Variants in PPP4R4 observed in about 807,000 individuals in gnomAD.
PPP4R4 encodes serine/threonine-protein phosphatase 4 regulatory subunit 4.
PPP4R4 carries 70 observed loss-of-function variants against 121.8 expected under a neutral mutation model. The ratio of observed to expected loss-of-function variants is 0.57; its 90% CI spans 0.47 to 0.70. PPP4R4 has a LOEUF of 0.70. PPP4R4 is among the 30% of genes least tolerant of loss of function. The pLI, the probability that PPP4R4 is intolerant of heterozygous loss-of-function variation, is 0.00. For synonymous variants in PPP4R4, 348 were observed against 355.7 expected (o/e 0.98, Z 0.24); for missense variants, 875 against 1,033.6 (o/e 0.85, Z 2.10).
intron 10 of PPP4R4, 54 bp from the exon 11 acceptor site, chr14:94,242,235 T>A: frequency 6.4e-7 from 1 of 1,562,674 alleles, no homozygotes; most frequent in Non-Finnish European, 8.8e-7. Flanking sequence ...TATTAGGTAT[T>A]GATGCATGTT....
At chr14:94,203,569 A>G (rs2139437136) in intron 2 of PPP4R4, among the ~76,000 whole-genome samples, 1 of 152,270 alleles carries the variant, frequency 6.6e-6, no homozygotes, top group East Asian at 1.9e-4. Flanking sequence ...CTTTGGGATA[A>G]ATGCCCCAGA....
intron 14 of PPP4R4, among the ~76,000 whole-genome samples, chr14:94,248,154 C>T (rs1015287927): frequency 2.0e-5 from 3 of 152,110 alleles, no homozygotes; most frequent in Admixed American, 2.0e-4. Flanking sequence ...GATTCTATAC[C>T]TAGAAAACCC....
intron 2 of PPP4R4, among the ~76,000 whole-genome samples, chr14:94,206,559 T>C (rs879697592): frequency 6.6e-6 from 1 of 152,164 alleles, no homozygotes; most frequent in East Asian, 1.9e-4. Context: ...GTGAAAAGTT[T>C]TGTTTTCACC....
intron 2 of PPP4R4, among the ~76,000 whole-genome samples, chr14:94,204,564 T>C (rs1228444387): frequency 6.6e-6 from 1 of 152,182 alleles, no homozygotes; most frequent in Non-Finnish European, 1.5e-5. Flanking sequence ...TCAGCTATGC[T>C]CATTCCTTTG....
At chr14:94,265,577 C>T (rs2139644780) in intron 21 of PPP4R4, 104 bp downstream of exon 21, 1 of 1,042,670 alleles carries the variant, frequency 9.6e-7, no homozygotes, top group East Asian at 2.5e-5. Context: ...GATAATATAT[C>T]TCATTCTAAA....
intron 2 of PPP4R4, among the ~76,000 whole-genome samples, chr14:94,186,816 T>C (rs1000899335): frequency 6.6e-6 from 1 of 152,230 alleles, no homozygotes; most frequent in Non-Finnish European, 1.5e-5. Context: ...TATTTCATTG[T>C]GTTTATGATT....
chr14:94,256,011 C>G (rs1373075959), intron 16 of PPP4R4, among the ~76,000 whole-genome samples: 1 of 152,188 alleles, frequency 6.6e-6, no homozygotes, highest in Non-Finnish European at 1.5e-5. Context: ...ATGCTCTTTT[C>G]CAGATATTCA....
At chr14:94,246,993 G>C (rs1029769282) in intron 14 of PPP4R4, among the ~76,000 whole-genome samples, 1 of 152,078 alleles carries the variant, frequency 6.6e-6, no homozygotes, top group African/African-American at 2.4e-5. Context: ...CTATAAGTTT[G>C]GTTACTTTTA....
At chr14:94,215,793 GAAT>G (rs1433325478) in intron 3 of PPP4R4, among the ~76,000 whole-genome samples, 2 of 152,122 alleles carry the variant, frequency 1.3e-5, no homozygotes, top group Non-Finnish European at 2.9e-5. Flanking sequence ...TGCATTTTGA[GAAT>G]AATGTCTTTT....
At chr14:94,276,273 A>G (rs181663673) in intron 24 of PPP4R4, among the ~76,000 whole-genome samples, 1 of 152,268 alleles carries the variant, frequency 6.6e-6, no homozygotes, top group Non-Finnish European at 1.5e-5. Flanking sequence ...TAGTGAATGC[A>G]TGGGCATTTT....
At chr14:94,187,189 G>C (rs1413154485) in intron 2 of PPP4R4, among the ~76,000 whole-genome samples, 1 of 152,014 alleles carries the variant, frequency 6.6e-6, no homozygotes, top group Non-Finnish European at 1.5e-5. Context: ...GTGGGCACCT[G>C]TAATCCCAGC....
Position 94,223,048 on chromosome 14 carries a change from A to G in PPP4R4, c.295-7539A>G, listed in dbSNP as rs190999542. ...TTTGATTATTGTATTTATCTAGTCT[A>G]GAATTTCCATTTAGCTTTTTAAAAT... is the stretch of plus-strand genomic sequence containing the variant. On this transcript the variant is annotated intron_variant, in intron 3 of 24. Transcript: ENST00000304338. Among the ~76,000 whole-genome samples the G allele has an allele frequency of 7.9e-5, 12 of 152,232 alleles. No individual in the cohort carries two copies. In the East Asian group the frequency reaches 1.7e-3, roughly 22 times the overall value.
At chr14:94,271,672 T>C (rs970575165) in intron 23 of PPP4R4, among the ~76,000 whole-genome samples, 1 of 152,170 alleles carries the variant, frequency 6.6e-6, no homozygotes, top group East Asian at 1.9e-4. Context: ...AGAAAAGATA[T>C]ACTGATTTTG....
At chr14:94,268,434 T>G (rs1252824662) in intron 23 of PPP4R4, among the ~76,000 whole-genome samples, 2 of 152,188 alleles carry the variant, frequency 1.3e-5, no homozygotes, top group Non-Finnish European at 2.9e-5. Context: ...TTAAGTGCAT[T>G]AATTTATTTA....
At chr14:94,203,708 A>G (rs1233519333) in intron 2 of PPP4R4, among the ~76,000 whole-genome samples, 1 of 152,078 alleles carries the variant, frequency 6.6e-6, no homozygotes, top group East Asian at 1.9e-4. Flanking sequence ...TGCTTTTGGT[A>G]GTGTTTTTAA....
intron 2 of PPP4R4, among the ~76,000 whole-genome samples, chr14:94,194,821 A>G (rs972174793): frequency 2.0e-5 from 3 of 152,186 alleles, no homozygotes; most frequent in Non-Finnish European, 2.9e-5. Context: ...ACAAAACAAC[A>G]TGTTCACAGC....
At chr14:94,265,278 C>A in intron 20 of PPP4R4, 109 bp from the exon 21 acceptor site, 1 of 747,708 alleles carries the variant, frequency 1.3e-6, no homozygotes, top group Non-Finnish European at 2.2e-6. Context: ...GAAAAGAAAG[C>A]TGCTTAGCTA....
chr14:94,223,994 G>T (rs1406284920), intron 3 of PPP4R4, among the ~76,000 whole-genome samples: 1 of 152,058 alleles, frequency 6.6e-6, no homozygotes, highest in African/African-American at 2.4e-5. Flanking sequence ...TGTGATATAT[G>T]TCCTTAATTT....
intron 16 of PPP4R4, among the ~76,000 whole-genome samples, chr14:94,255,714 C>CG (rs1893435483): frequency 6.6e-6 from 1 of 152,120 alleles, no homozygotes; most frequent in Admixed American, 6.5e-5. Flanking sequence ...AGAGCTTTTC[C>CG]TATTGTTTCT....
Sources: allele counts gnomAD v4.1 joint callset (sites outside exome capture counted in the v4.1 genomes callset), GRCh38; gene constraint gnomAD v4.1.1; transcripts MANE v1.5; gene names NCBI Gene and HGNC (gene_info 2026-07-23, HGNC 2026-07-21).